Variants in OXA1L observed in about 807,000 individuals in gnomAD.
OXA1L encodes the protein OXA1L mitochondrial inner membrane insertase, also known as mitochondrial inner membrane protein OXA1L.
A neutral mutation model predicts 52.2 loss-of-function variants in OXA1L; 42 were observed. The ratio of observed to expected loss-of-function variants is 0.80; its 90% CI spans 0.63 to 1.04. The LOEUF is 1.04. OXA1L is among the 50% of genes least tolerant of loss of function. The pLI, the probability that OXA1L is intolerant of heterozygous loss-of-function variation, is 0.00. For missense variants in OXA1L, 572 were observed against 555.0 expected (o/e 1.03, Z -0.31); for synonymous variants, 239 against 201.9 (o/e 1.18, Z -1.56).
rs2038440560 is a variant in OXA1L, at chr14:22,769,688, A to G, written c.440-103A>G. 2.4e-6 allele frequency: 3 copies of G among 1,238,162 alleles called. No individual in the cohort carries two copies. The African/African-American group carries it at 4.5e-5, about 18-fold the overall frequency. The allele number at this position is 1,238,162 out of a possible 1,614,324, so 76.7% of individuals were successfully genotyped here. On this transcript the variant is annotated intron_variant, in intron 3 of 9. Transcript: ENST00000612549. ...CTCTTAGGCATGAGTCATAGAATGG[A>G]CAAGGCAAGAATAAGACCCTTTCAG...
At chr14:22,770,007 G>A in intron 4 of OXA1L, 73 bp downstream of exon 4, 4 of 1,570,036 alleles carry the variant, frequency 2.5e-6, no homozygotes, top group Non-Finnish European at 1.8e-6. Flanking sequence ...TGGGGGAAAG[G>A]AACAATGTAA....
rs756005345 is a variant in OXA1L, at chr14:22,770,209, G to A, written c.600G>A (p.Ser200=). The change falls in exon 5 of 10, where the codon TCG becomes TCA. Residue 200 remains serine (S), a synonymous_variant. Coordinates refer to ENST00000612549, the MANE Select transcript of OXA1L (RefSeq NM_005015.5). ...ACCTCACAGATTACAAGGCTTCCTC[G>A]GAGATGGCACTTTACCAGAAAAAAC... ...GDHIEYYKAS[S]EMALYQKKHG... The A allele has an allele frequency of 2.1e-5, 34 of 1,610,908 alleles. No homozygotes were observed. The highest frequency in any genetic ancestry group is 1.5e-4 in the South Asian group (14 of 91,002).
rs1466648060 is a variant in OXA1L, at chr14:22,769,778, T to TTGTA, written c.440-11_440-8dup. The TTGTA allele has an allele frequency of 6.2e-7, 1 of 1,614,142 alleles. No individual in the cohort carries two copies. Among genetic ancestry groups the TTGTA allele is most frequent in the Non-Finnish European group, 8.5e-7 (1 of 1,179,980 alleles). ...GCTTTAATTTCACTCCAATCCTAGT[T>TTGTA]TGTATTTTCCAGGTACAGTCTTTGC... is the stretch of plus-strand genomic sequence containing the variant. On this transcript the variant is annotated splice_polypyrimidine_tract_variant and intron_variant, in intron 3 of 9. Transcript: ENST00000612549.
chr14:22,766,782 C>A lies in OXA1L; in HGVS notation c.63+18C>A, dbSNP rs199824274. 2.6e-5 allele frequency: 42 copies of A among 1,613,776 alleles called. No homozygotes were observed. The African/African-American group carries it at 5.2e-4, about 20-fold the overall frequency. On this transcript the variant is annotated intron_variant, in intron 1 of 9. Coordinates refer to ENST00000612549, the MANE Select transcript of OXA1L (RefSeq NM_005015.5). ...GGCGTCGGGTAAGGATGCCCCGGGG[C>A]AGAGCACCGGGATGCTGCCCTGACC...
Position 22,767,950 on chromosome 14 carries a change from T to A in OXA1L, c.226-8T>A. On this transcript the variant is annotated splice_region_variant and splice_polypyrimidine_tract_variant and intron_variant, in intron 2 of 9. Transcript: ENST00000612549. The stretch of plus-strand genomic sequence containing the variant: ...AATAAATATAATACAAGGCTTTCTT[T>A]CACACAGGTTCAGGCCCCTCCTGTT... 9 of 1,602,132 alleles carry A rather than the reference T, an allele frequency of 5.6e-6. No homozygotes were observed. Among genetic ancestry groups the A allele is most frequent in the Non-Finnish European group, 4.3e-6 (5 of 1,171,388 alleles).
Position 22,771,196 on chromosome 14 carries a change from CTG to C in OXA1L, c.1102+19_1102+20del. On this transcript the variant is annotated intron_variant, in intron 8 of 9. Coordinates refer to ENST00000612549, the MANE Select transcript of OXA1L (RefSeq NM_005015.5). ...TTCAAAAAAGGTAAGGGCTCATCCTCTGTGAAAAAGGACTAGGGAAAGGGGTC... is the reference window on the plus strand; with the variant it reads ...TTCAAAAAAGGTAAGGGCTCATCCTCTGAAAAAGGACTAGGGAAAGGGGTC... 1.2e-6 allele frequency: 2 copies of C among 1,613,412 alleles called. No homozygotes were observed. Among genetic ancestry groups the C allele is most frequent in the Non-Finnish European group, 1.7e-6 (2 of 1,179,532 alleles).
chr14:22,770,699 G>T, intron 6 of OXA1L, 74 bp downstream of exon 6: 1 of 1,557,276 alleles, frequency 6.4e-7, no homozygotes, highest in Non-Finnish European at 8.8e-7. Context: ...TGTACAGAAT[G>T]GTCATCCTTC....
In OXA1L at chr14:22,771,464, C is replaced by G. The variant is rs758082221; in HGVS notation, c.1214C>G (p.Pro405Arg). 1.7e-5 allele frequency: 27 copies of G among 1,613,946 alleles called. No individual in the cohort carries two copies. The highest frequency in any genetic ancestry group is 2.3e-5 in the Non-Finnish European group (27 of 1,180,020). The change falls in exon 10 of 10, where the codon CCT becomes CGT. Residue 405 changes from proline (P) to arginine (R), a missense_variant. By Grantham distance (103) the Pro-to-Arg change is moderately radical (BLOSUM62 -2). Around this residue, in one of 5 missense-constraint regions of OXA1L, gnomAD observed 244 missense variants for 240.2 expected, o/e 1.02. Coordinates refer to ENST00000612549, the MANE Select transcript of OXA1L (RefSeq NM_005015.5). Reference protein sequence around the residue: ...GPLRQTFTHNPLLQPGKDNPP... With the variant: ...GPLRQTFTHNRLLQPGKDNPP... ...TTACGACAGACCTTTACCCACAACC[C>G]TCTCCTACAACCTGGAAAGGATAAC...
In OXA1L at chr14:22,771,941, T is replaced by C. The variant is rs949708144; in HGVS notation, c.*383T>C. ...ATGGGGAAACGCCATCTCTGCTGTT[T>C]TACAAAAATAGCCACACGTGGTGGT... On this transcript the variant is annotated 3_prime_UTR_variant, in exon 10 of 10. Transcript: ENST00000612549. 1 of 201,708 alleles carries C rather than the reference T, an allele frequency of 5.0e-6. No individual in the cohort carries two copies. The highest frequency in any genetic ancestry group is 1.2e-4 in the East Asian group (1 of 8,068). The allele number at this position is 201,708 out of a possible 1,614,324, so 12.5% of individuals were successfully genotyped here.
chr14:22,769,301 G>A (rs999673893), intron 3 of OXA1L, among the ~76,000 whole-genome samples: 3 of 152,174 alleles, frequency 2.0e-5, no homozygotes, highest in African/African-American at 4.8e-5. Context: ...AGAACATGGC[G>A]ATGTTCGTCT....
At position 22,766,739 on chromosome 14, in the gene OXA1L, T is replaced by C. The variant is rs370840535; in HGVS notation, c.38T>C (p.Leu13Pro). 63 of 1,614,150 alleles carry C rather than the reference T, an allele frequency of 3.9e-5. No homozygotes were observed. The highest frequency in any genetic ancestry group is 5.0e-5 in the Non-Finnish European group (59 of 1,180,060). ...MGLMCGRREL[L>P]RLLQSGRRVH... ...CTAATGTGCGGACGCCGGGAGCTTCTGCGCTTGCTACAGTCCGGGCGTCGG... is the reference window on the plus strand; with the variant it reads ...CTAATGTGCGGACGCCGGGAGCTTCCGCGCTTGCTACAGTCCGGGCGTCGG... The change falls in exon 1 of 10, where the codon CTG becomes CCG. Residue 13 changes from leucine to proline, a missense_variant. Physicochemically the swap from Leu to Pro is moderately conservative, Grantham distance 98. Around this residue, in one of 5 missense-constraint regions of OXA1L, gnomAD observed 186 missense variants for 151.8 expected, o/e 1.23. Transcript: ENST00000612549.
intron 3 of OXA1L, 145 bp downstream of exon 3, chr14:22,768,316 A>G (rs2038428505): frequency 3.1e-6 from 2 of 640,438 alleles, no homozygotes; most frequent in African/African-American, 1.8e-5. Flanking sequence ...CATGATACCT[A>G]GATGCACTCT....
Position 22,771,247 on chromosome 14 carries a change from C to G in OXA1L, c.1103-21C>G, listed in dbSNP as rs76814074. The G allele has an allele frequency of 7.6e-4, 1,234 of 1,613,500 alleles. 14 individuals are homozygous for G. In the African/African-American group the frequency reaches 0.015, roughly 19 times the overall value. On this transcript the variant is annotated intron_variant, in intron 8 of 9. Transcript: ENST00000612549. ...TCTAAAAATAGGAATGCAACTGACTCTCTTGCTTCTCTTTACACAGGCTGG... is the reference window on the plus strand; with the variant it reads ...TCTAAAAATAGGAATGCAACTGACTGTCTTGCTTCTCTTTACACAGGCTGG...
intron 3 of OXA1L, chr14:22,768,413 G>A (rs2038429429): frequency 1.9e-6 from 1 of 521,318 alleles, no homozygotes; most frequent in Admixed American, 3.2e-5. Flanking sequence ...CATGGGGTTA[G>A]AGTCAGGGGA....
rs1250891619 is a variant in OXA1L, at chr14:22,770,195, T to C, written c.586T>C (p.Tyr196His). Residue 196 changes from tyrosine (Y) to histidine (H), a missense_variant and splice_region_variant, in exon 5 of 10, where the codon TAC (tyrosine) becomes CAC (histidine). Around this residue, in one of 5 missense-constraint regions of OXA1L, gnomAD observed 132 missense variants for 124.0 expected, o/e 1.06. Transcript: ENST00000612549. ...AKLAGDHIEY[Y>H]KASSEMALYQ... Reference sequence around the variant, plus strand: ...ATTAATTTCCCCTCACCTCACAGATTACAAGGCTTCCTCGGAGATGGCACT... The same window carrying C: ...ATTAATTTCCCCTCACCTCACAGATCACAAGGCTTCCTCGGAGATGGCACT... 3.7e-6 allele frequency: 6 copies of C among 1,605,312 alleles called. No homozygotes were observed. The highest frequency in any genetic ancestry group is 2.2e-5 in the East Asian group (1 of 44,868).
chr14:22,771,895 T>G lies in OXA1L; in HGVS notation c.*337T>G. 4.3e-6 allele frequency: 1 copy of G among 230,672 alleles called. No homozygotes were observed. The highest frequency in any genetic ancestry group is 8.6e-6 in the Non-Finnish European group (1 of 116,830). 14.3% of individuals were successfully genotyped at this position (230,672 alleles called of 1,614,324 possible). ...TGGGTGGATCACCTGAGATCAGGAG[T>G]TTGAGACCAGCCTGGCCAACATGGG... On this transcript the variant is annotated 3_prime_UTR_variant, in exon 10 of 10. Coordinates refer to ENST00000612549, the MANE Select transcript of OXA1L (RefSeq NM_005015.5).
chr14:22,769,655 T>A (rs879557638), intron 3 of OXA1L, 136 bp from the exon 4 acceptor site: 9 of 874,848 alleles, frequency 1.0e-5, no homozygotes, highest in Non-Finnish European at 1.6e-5. Context: ...CTGACCTTAT[T>A]TCTGGGCCTC....
At chr14:22,767,000 T>TC in intron 1 of OXA1L, 1 of 1,534,670 alleles carries the variant, frequency 6.5e-7, no homozygotes. Flanking sequence ...TCGGCCTCGT[T>TC]CTCAGGGCCC....
chr14:22,767,212 C>A (rs745372833), intron 1 of OXA1L, 36 bp from the exon 2 acceptor site: 2 of 1,583,758 alleles, frequency 1.3e-6, no homozygotes, highest in Non-Finnish European at 1.7e-6. Flanking sequence ...CTTCTGCTCC[C>A]GGTAAAGGGG....
Sources: gnomAD v4.1 joint callset for allele counts (sites outside exome capture counted in the v4.1 genomes callset) on GRCh38, gnomAD v4.1.1 for gene constraint, gnomAD v4.1.1 regional missense constraint, MANE v1.5 for transcripts, NCBI Gene and HGNC (gene_info 2026-07-23, HGNC 2026-07-21) for gene names.